The following STRA6 variants were observed in gnomAD, a reference collection of about 807,000 sequenced individuals.
STRA6 encodes receptor for retinol uptake STRA6.
Under a neutral mutation model 83.6 loss-of-function variants are expected in STRA6, and 48 were observed. The ratio of observed to expected loss-of-function variants is 0.57; its 90% CI spans 0.46 to 0.73. The LOEUF (loss-of-function observed/expected upper bound fraction) is 0.73, where lower values mean the gene tolerates loss of function less well. Among genes scored for constraint, STRA6 ranks in the 30% least tolerant of loss-of-function variants. The pLI, the probability that STRA6 is intolerant of heterozygous loss-of-function variation, is 0.00. For missense variants in STRA6, 760 were observed against 838.8 expected, an observed-to-expected ratio of 0.91 and a Z score of 1.16; for synonymous variants, 353 against 362.3, an observed-to-expected ratio of 0.97 and a Z score of 0.29.
intron 12 of STRA6, among the ~76,000 whole-genome samples, chr15:74,187,154 G>C (rs1269760772): frequency 6.6e-6 from 1 of 152,240 alleles, no homozygotes; most frequent in Non-Finnish European, 1.5e-5. Flanking sequence ...TGAGTGTACA[G>C]GCTAACACAG....
Position 74,183,993 on chromosome 15 carries a change from G to C in STRA6, c.1167-4C>G, listed in dbSNP as rs370332932. The stretch of plus-strand genomic sequence containing the variant: ...GTGCAGAGCTCGAAGGTTGGTCCTG[G>C]GGTGGGAGCCAGGGAGGCAGAGACC... On this transcript the variant is annotated splice_polypyrimidine_tract_variant and splice_region_variant and intron_variant, in intron 13 of 18. Coordinates refer to ENST00000395105, the MANE Select transcript of STRA6 (RefSeq NM_022369.4). 1 of 1,612,686 alleles carries C rather than the reference G, an allele frequency of 6.2e-7. No homozygotes were observed. The highest frequency in any genetic ancestry group is 8.5e-7 in the Non-Finnish European group (1 of 1,179,996).
At chr15:74,202,306 A>T (rs1275238674) in intron 1 of STRA6, 24 bp from the exon 2 acceptor site, 1 of 1,564,944 alleles carries the variant, frequency 6.4e-7, no homozygotes, top group Non-Finnish European at 8.6e-7. Context: ...CGAGAGAAAA[A>T]AAAAGCCACT....
chr15:74,203,259 A>G, upstream of STRA6: 1 of 970,430 alleles, frequency 1.0e-6, no homozygotes, highest in Non-Finnish European at 1.2e-6. Flanking sequence ...CACCCCCACA[A>G]GGCGGAAATT....
intron 11 of STRA6, among the ~76,000 whole-genome samples, chr15:74,190,218 T>G (rs2073463672): frequency 1.3e-5 from 2 of 152,298 alleles, no homozygotes; most frequent in East Asian, 1.9e-4. Flanking sequence ...AAATTTCTGG[T>G]TTTTCTATGT....
upstream of STRA6, chr15:74,212,192 G>A (rs920096776): frequency 5.9e-5 from 9 of 152,436 alleles, no homozygotes; most frequent in Non-Finnish European, 1.0e-4. Flanking sequence ...AGAGTCTACA[G>A]GGCCCTGGGC....
chr15:74,203,300 T>C, upstream of STRA6: 1 of 754,754 alleles, frequency 1.3e-6, no homozygotes, highest in Non-Finnish European at 1.6e-6. Context: ...GACCCACGGG[T>C]AGGCAAGAGG....
upstream of STRA6, among the ~76,000 whole-genome samples, chr15:74,204,372 G>T (rs545283229): frequency 6.6e-6 from 1 of 152,316 alleles, no homozygotes; most frequent in East Asian, 1.9e-4. Flanking sequence ...TTGTTCTGGC[G>T]GCCAGTATTC....
upstream of STRA6, chr15:74,207,718 A>G: frequency 6.5e-7 from 1 of 1,535,706 alleles, no homozygotes; most frequent in South Asian, 1.2e-5. Context: ...AGTCCCCTTG[A>G]GAGTCCATGA....
At chr15:74,210,946 A>G (rs2142123709), upstream of STRA6, among the ~76,000 whole-genome samples, 1 of 152,294 alleles carries the variant, frequency 6.6e-6, no homozygotes, top group Non-Finnish European at 1.5e-5. Flanking sequence ...GTCATGAGTT[A>G]AGTAGAATAG....
At chr15:74,196,772 G>A (rs1431447949) in intron 4 of STRA6, among the ~76,000 whole-genome samples, 2 of 152,186 alleles carry the variant, frequency 1.3e-5, no homozygotes, top group African/African-American at 2.4e-5. Context: ...GGTCTGGGAT[G>A]TGAAGCTGTC....
chr15:74,210,898 C>G (rs1188348422), upstream of STRA6, among the ~76,000 whole-genome samples: 1 of 152,198 alleles, frequency 6.6e-6, no homozygotes, highest in East Asian at 1.9e-4. Context: ...GTTGTGATAG[C>G]TGGATCTCAG....
At chr15:74,200,850 T>G (rs930604437) in intron 2 of STRA6, among the ~76,000 whole-genome samples, 1 of 152,216 alleles carries the variant, frequency 6.6e-6, no homozygotes, top group Non-Finnish European at 1.5e-5. Flanking sequence ...AACTTTATTC[T>G]GAGACAACAG....
At position 74,197,027 on chromosome 15, in the gene STRA6, G is replaced by A. The variant is rs375572477; in HGVS notation, c.266+311C>T. 9.2e-5 allele frequency among the ~76,000 whole-genome samples: 14 copies of A among 152,324 alleles called. No individual in the cohort carries two copies. In the East Asian group the frequency reaches 1.2e-3, roughly 13 times the overall value. ...GTCAAGATGGCATTGGGATGGTCAC[G>A]TCAATCCACACATGGAGGGCTGCCT... On this transcript the variant is annotated intron_variant, in intron 4 of 18. Transcript: ENST00000395105.
At chr15:74,205,634 A>G (rs183308159), upstream of STRA6, among the ~76,000 whole-genome samples, 28 of 152,336 alleles carry the variant, frequency 1.8e-4, no homozygotes, top group East Asian at 5.0e-3. Context: ...TCCAAACCAT[A>G]TCGGGCACTG....
chr15:74,186,294 A>G (rs1292822488), intron 12 of STRA6, among the ~76,000 whole-genome samples: 1 of 152,202 alleles, frequency 6.6e-6, no homozygotes, highest in Admixed American at 6.5e-5. Context: ...ACCAATATTT[A>G]TTGGGTGCCT....
chr15:74,198,043 C>G (rs538534753), intron 2 of STRA6, among the ~76,000 whole-genome samples: 1 of 152,172 alleles, frequency 6.6e-6, no homozygotes, highest in Admixed American at 6.5e-5. Context: ...GGTTATAAGA[C>G]TAAAGGACAT....
At chr15:74,195,073 C>A in intron 7 of STRA6, 1 of 1,450,974 alleles carries the variant, frequency 6.9e-7, no homozygotes, top group Non-Finnish European at 9.0e-7. Context: ...TTCTCCGCCA[C>A]CTCCTAGACT....
At chr15:74,198,760 T>C (rs1244733980) in intron 2 of STRA6, among the ~76,000 whole-genome samples, 2 of 152,220 alleles carry the variant, frequency 1.3e-5, no homozygotes, top group Non-Finnish European at 2.9e-5. Context: ...CTGAGCTGAA[T>C]GCACCTAACT....
Position 74,197,357 on chromosome 15 carries a change from C to G in STRA6, c.247G>C (p.Gly83Arg). The G allele has an allele frequency of 1.3e-6, 2 of 1,550,334 alleles. No homozygotes were observed. Among genetic ancestry groups the G allele is most frequent in the Non-Finnish European group, 1.7e-6 (2 of 1,146,870 alleles). Residue 83 changes from glycine (G) to arginine (R), a missense_variant, in exon 4 of 19, where the codon GGC becomes CGC. Coordinates refer to ENST00000395105, the MANE Select transcript of STRA6 (RefSeq NM_022369.4). ...ACAAACCTGGGCAGGCCGGGCCTGC[C>G]ACGCACACAGTCAGGCCAGAGCTGG... ...RRQLWPDCVR[G>R]RPGLPSPVDF...
Sources: allele counts gnomAD v4.1 joint callset (sites outside exome capture counted in the v4.1 genomes callset), GRCh38; gene constraint gnomAD v4.1.1; transcripts MANE v1.5; gene names NCBI Gene and HGNC (gene_info 2026-07-23, HGNC 2026-07-21).